The following GRM3 variants were observed in gnomAD, a reference collection of about 807,000 sequenced individuals.
GRM3 encodes the protein glutamate metabotropic receptor 3, also known as metabotropic glutamate receptor 3.
Under a neutral mutation model 70.5 loss-of-function variants are expected in GRM3, and 26 were observed. That is an observed-to-expected ratio of 0.37 (90% confidence interval 0.27 to 0.51). GRM3 has a LOEUF of 0.51. GRM3 is among the 20% of genes least tolerant of loss of function. The probability of loss-of-function intolerance (pLI) is 0.93; values close to 1 mark genes in which losing one functional copy is unlikely to be tolerated. For synonymous variants in GRM3, 443 were observed against 434.9 expected (o/e 1.02, Z -0.23); for missense variants, 859 against 1,123.8 (o/e 0.76, Z 3.37).
intron 1 of GRM3, among the ~76,000 whole-genome samples, chr7:86,675,583 C>G (rs1266839786): frequency 1.3e-5 from 2 of 151,986 alleles, no homozygotes; most frequent in Non-Finnish European, 2.9e-5. Context: ...GGAGAGCTTG[C>G]AAATAGGGTT....
At chr7:86,674,074 A>T (rs1413089280) in intron 1 of GRM3, among the ~76,000 whole-genome samples, 1 of 152,178 alleles carries the variant, frequency 6.6e-6, no homozygotes, top group African/African-American at 2.4e-5. Context: ...GTAGCCATTT[A>T]AAACAAGCAT....
At position 86,786,149 on chromosome 7, in the gene GRM3, T is replaced by A; in HGVS notation, c.469-112T>A. On this transcript the variant is annotated intron_variant, in intron 2 of 5. Coordinates refer to ENST00000361669, the MANE Select transcript of GRM3 (RefSeq NM_000840.3). The surrounding 1 kb of genome is among the most constrained non-coding windows in gnomAD (Gnocchi z 6.0). Reference sequence around the variant, plus strand: ...GAACTAACAGAAAAATGTAGCCATCTAGAGTAGAGGGAAAAGGGAGTCAGT... The same window carrying A: ...GAACTAACAGAAAAATGTAGCCATCAAGAGTAGAGGGAAAAGGGAGTCAGT... The A allele has an allele frequency of 1.1e-6, 1 of 876,490 alleles. No homozygotes were observed. The highest frequency in any genetic ancestry group is 1.6e-5 in the South Asian group (1 of 61,868). The allele number at this position is 876,490 out of a possible 1,614,324, so 54.3% of individuals were successfully genotyped here.
At chr7:86,812,275 A>G (rs1038631358) in intron 3 of GRM3, among the ~76,000 whole-genome samples, 1 of 151,830 alleles carries the variant, frequency 6.6e-6, no homozygotes, top group Non-Finnish European at 1.5e-5. Flanking sequence ...TGCAATGCAT[A>G]TATTAGATTA....
At chr7:86,812,340 G>C (rs1306059042) in intron 3 of GRM3, among the ~76,000 whole-genome samples, 1 of 151,786 alleles carries the variant, frequency 6.6e-6, no homozygotes, top group Non-Finnish European at 1.5e-5. Flanking sequence ...GCCTGATACA[G>C]TGTGGGACAG....
At chr7:86,793,675 G>A (rs1020258671) in intron 3 of GRM3, among the ~76,000 whole-genome samples, 1 of 152,170 alleles carries the variant, frequency 6.6e-6, no homozygotes, top group African/African-American at 2.4e-5. Flanking sequence ...GTGCTTTGGT[G>A]TCTTAGAGGC....
At chr7:86,648,835 G>A (rs929296526) in intron 1 of GRM3, among the ~76,000 whole-genome samples, 17 of 152,230 alleles carry the variant, frequency 1.1e-4, no homozygotes, top group African/African-American at 4.1e-4. Flanking sequence ...TATCTTGGTA[G>A]ACTCACCATC....
At chr7:86,709,708 A>G (rs1795148541) in intron 1 of GRM3, among the ~76,000 whole-genome samples, 1 of 152,106 alleles carries the variant, frequency 6.6e-6, no homozygotes, top group African/African-American at 2.4e-5. Context: ...ATGATATCAT[A>G]TTAGTAGATA....
intron 1 of GRM3, among the ~76,000 whole-genome samples, chr7:86,735,274 G>GT (rs1288144437): frequency 6.6e-6 from 1 of 151,930 alleles, no homozygotes; most frequent in African/African-American, 2.4e-5. Context: ...ACACTCCTCA[G>GT]TACAAATAAA....
chr7:86,770,101 G>T (rs368923199), intron 2 of GRM3, among the ~76,000 whole-genome samples: 24 of 152,044 alleles, frequency 1.6e-4, no homozygotes, highest in African/African-American at 4.8e-4. Flanking sequence ...CTGCTAAGTT[G>T]TTCAATCAAA....
At chr7:86,653,335 A>T (rs1451090014) in intron 1 of GRM3, among the ~76,000 whole-genome samples, 2 of 152,250 alleles carry the variant, frequency 1.3e-5, no homozygotes, top group East Asian at 3.8e-4. Context: ...CAACACAAAT[A>T]TTCGGTCCAT....
intron 1 of GRM3, among the ~76,000 whole-genome samples, chr7:86,703,010 A>G (rs892598996): frequency 6.6e-6 from 1 of 151,976 alleles, no homozygotes; most frequent in Non-Finnish European, 1.5e-5. Context: ...AATCCTAGAA[A>G]TGAAGTTTTG....
intron 1 of GRM3, among the ~76,000 whole-genome samples, chr7:86,737,671 T>C (rs1295921369): frequency 6.6e-6 from 1 of 152,232 alleles, no homozygotes; most frequent in Non-Finnish European, 1.5e-5. Flanking sequence ...AATTATTGTT[T>C]GCCACACATC....
At chr7:86,783,889 T>C (rs990133047) in intron 2 of GRM3, among the ~76,000 whole-genome samples, 1 of 152,222 alleles carries the variant, frequency 6.6e-6, no homozygotes, top group African/African-American at 2.4e-5. Flanking sequence ...GAGATAATAC[T>C]TACTATGTTC....
At position 86,839,516 on chromosome 7, in the gene GRM3, C is replaced by T. The variant is rs370197727; in HGVS notation, c.2002C>T (p.Arg668Cys). The change falls in exon 4 of 6, where the codon CGC becomes TGC. Residue 668 changes from arginine (R) to cysteine (C), a missense_variant. Arg to Cys is a radical substitution (Grantham distance 180). Coordinates refer to ENST00000361669, the MANE Select transcript of GRM3 (RefSeq NM_000840.3). The surrounding 1 kb of genome is among the most constrained non-coding windows in gnomAD (Gnocchi z 4.5). ...ALLTKTNCIA[R>C]IFDGVKNGAQ... ...GCTGACCAAGACAAACTGCATTGCC[C>T]GCATCTTCGATGGGGTCAAGAATGG... is the stretch of plus-strand genomic sequence containing the variant. The T allele has an allele frequency of 8.7e-6, 14 of 1,607,182 alleles. No individual in the cohort carries two copies. The highest frequency in any genetic ancestry group is 1.3e-5 in the African/African-American group (1 of 74,694).
At position 86,712,772 on chromosome 7, in the gene GRM3, T is replaced by C. The variant is rs551669452; in HGVS notation, c.-140-52234T>C. On this transcript the variant is annotated intron_variant, in intron 1 of 5. Coordinates refer to ENST00000361669, the MANE Select transcript of GRM3 (RefSeq NM_000840.3). ...GTTTGTCTTATTTTACTTAACATGATGCTCTGCAGTTCTATCCATGTTGCT... is the reference window on the plus strand; with the variant it reads ...GTTTGTCTTATTTTACTTAACATGACGCTCTGCAGTTCTATCCATGTTGCT... 2.0e-5 allele frequency among the ~76,000 whole-genome samples: 3 copies of C among 152,224 alleles called. No individual in the cohort carries two copies. In the East Asian group the frequency reaches 5.8e-4, roughly 29 times the overall value.
chr7:86,700,277 T>G (rs1308145986), intron 1 of GRM3, among the ~76,000 whole-genome samples: 3 of 151,976 alleles, frequency 2.0e-5, no homozygotes, highest in African/African-American at 7.2e-5. Flanking sequence ...AAAAAATAAT[T>G]TGAAAAGCAT....
Position 86,644,090 on chromosome 7 carries a change from T to C in GRM3, c.-923T>C, listed in dbSNP as rs570732360. On this transcript the variant is annotated 5_prime_UTR_variant, in exon 1 of 6. Coordinates refer to ENST00000361669, the MANE Select transcript of GRM3 (RefSeq NM_000840.3). ...CTGCTTACCTGAAAGCCAAGCGCTC[T>C]AGCAGAGCTTTAAAGTTGGAGCCGC... 6.4e-6 allele frequency: 1 copy of C among 157,102 alleles called. No individual in the cohort carries two copies. Among genetic ancestry groups the C allele is most frequent in the East Asian group, 1.9e-4 (1 of 5,206 alleles). The allele number at this position is 157,102 out of a possible 1,614,324, so 9.7% of individuals were successfully genotyped here. A position where few individuals can be genotyped will look rare whatever the true frequency, so the allele number is the denominator to read the frequency against.
intron 1 of GRM3, among the ~76,000 whole-genome samples, chr7:86,678,579 AGTGTTT>A: frequency 6.6e-6 from 1 of 152,054 alleles, no homozygotes; most frequent in Non-Finnish European, 1.5e-5. Context: ...TTTATATGCT[AGTGTTT>A]GGAAGGAATT....
chr7:86,710,822 C>T (rs150506391), intron 1 of GRM3, among the ~76,000 whole-genome samples: 3 of 151,998 alleles, frequency 2.0e-5, no homozygotes, highest in Admixed American at 6.6e-5. Context: ...TACTATGTGT[C>T]AGTCAAATAT....
Sources: allele counts gnomAD v4.1 joint callset (sites outside exome capture counted in the v4.1 genomes callset), GRCh38; gene constraint gnomAD v4.1.1; non-coding constraint Gnocchi (gnomAD v3.1); transcripts MANE v1.5; gene names NCBI Gene and HGNC (gene_info 2026-07-23, HGNC 2026-07-21).